Variants in GPATCH2 observed in about 807,000 individuals in gnomAD.
The protein encoded by GPATCH2 is G patch domain-containing protein 2.
Under a neutral mutation model 58.0 loss-of-function variants are expected in GPATCH2, and 51 were observed. The ratio of observed to expected loss-of-function variants is 0.88; its 90% CI spans 0.70 to 1.11. The LOEUF (loss-of-function observed/expected upper bound fraction) is 1.11, where lower values mean the gene tolerates loss of function less well. Among genes scored for constraint, GPATCH2 ranks in the 50% most tolerant of loss-of-function variants. GPATCH2 has a pLI of 0.00. For missense variants in GPATCH2, 625 were observed against 652.2 expected (o/e 0.96, Z 0.45); for synonymous variants, 222 against 218.5 (o/e 1.02, Z -0.14).
chr1:217,449,239 T>G lies in GPATCH2; in HGVS notation c.1366+10A>C. ...ATTTGTGCTCCACTCTAACCCTGCT[T>G]TTGTTTTACCTGCAGTAGTAGGTCC... On this transcript the variant is annotated intron_variant, in intron 9 of 9. Coordinates refer to ENST00000366935, the MANE Select transcript of GPATCH2 (RefSeq NM_018040.5). The G allele has an allele frequency of 1.3e-6, 2 of 1,486,856 alleles. No homozygotes were observed. Among genetic ancestry groups the G allele is most frequent in the African/African-American group, 1.4e-5 (1 of 72,654 alleles). The allele number at this position is 1,486,856 out of a possible 1,614,324, so 92.1% of individuals were successfully genotyped here.
At chr1:217,625,269 C>T (rs1054209365) in intron 1 of GPATCH2, among the ~76,000 whole-genome samples, 1 of 152,076 alleles carries the variant, frequency 6.6e-6, no homozygotes, top group Non-Finnish European at 1.5e-5. Context: ...AAGAATAAGA[C>T]CAATCAATGT....
At chr1:217,488,991 T>C (rs1661588471) in intron 8 of GPATCH2, among the ~76,000 whole-genome samples, 1 of 152,030 alleles carries the variant, frequency 6.6e-6, no homozygotes. Flanking sequence ...ACCATAAATA[T>C]TTCCTGTGAT....
chr1:217,574,342 A>C (rs2102726094), intron 5 of GPATCH2, among the ~76,000 whole-genome samples: 1 of 152,314 alleles, frequency 6.6e-6, no homozygotes, highest in South Asian at 2.1e-4. Context: ...GATTGAAACC[A>C]ATAAACTCAA....
At chr1:217,470,949 A>G (rs1452183972) in intron 8 of GPATCH2, among the ~76,000 whole-genome samples, 3 of 152,176 alleles carry the variant, frequency 2.0e-5, no homozygotes, top group African/African-American at 7.2e-5. Flanking sequence ...AAAAAAAACT[A>G]AGATATTTTT....
At position 217,537,022 on chromosome 1, in the gene GPATCH2, GA is replaced by G. The variant is rs560112507; in HGVS notation, c.1099-22134del. On this transcript the variant is annotated intron_variant, in intron 5 of 9. Coordinates refer to ENST00000366935, the MANE Select transcript of GPATCH2 (RefSeq NM_018040.5). ...CCAAACAAACAGACATATGAGCTTT[GA>G]TAAGTCACTTTAAGTCATTGGACCT... Among the ~76,000 whole-genome samples, 1,277 of 152,164 alleles carry G rather than the reference GA, an allele frequency of 8.4e-3. 8 individuals are homozygous for G. The highest frequency in any genetic ancestry group is 0.041 in the Middle Eastern group (12 of 294).
At chr1:217,573,101 A>G (rs1666645130) in intron 5 of GPATCH2, among the ~76,000 whole-genome samples, 1 of 152,244 alleles carries the variant, frequency 6.6e-6, no homozygotes, top group South Asian at 2.1e-4. Flanking sequence ...CACTTTTTAA[A>G]GTCAAATACC....
intron 5 of GPATCH2, among the ~76,000 whole-genome samples, chr1:217,524,124 C>T (rs574341124): frequency 3.0e-4 from 46 of 151,086 alleles, no homozygotes; most frequent in Admixed American, 2.8e-3. Context: ...CGGGCAGAGA[C>T]GCTCCTCACT....
chr1:217,452,735 C>T (rs1025859974), intron 8 of GPATCH2, among the ~76,000 whole-genome samples: 2 of 151,972 alleles, frequency 1.3e-5, no homozygotes, highest in African/African-American at 4.8e-5. Flanking sequence ...TGAAATATAA[C>T]ATTTTCATTC....
In GPATCH2 at chr1:217,619,921, C is replaced by CT. The variant is rs945102298; in HGVS notation, c.634dup (p.Arg212LysfsTer15). 1 of 1,613,748 alleles carries CT rather than the reference C, an allele frequency of 6.2e-7. No homozygotes were observed. The highest frequency in any genetic ancestry group is 1.1e-5 in the South Asian group (1 of 91,060). On this transcript the variant is annotated frameshift_variant, in exon 2 of 10. Coordinates refer to ENST00000366935, the MANE Select transcript of GPATCH2 (RefSeq NM_018040.5). LOFTEE classifies it high-confidence loss of function. ...TCCTTGTCTGATTATTTTCAACTTTCTTTTTTTGACTTTGTTCTTGGTAAA... is the reference window on the plus strand; with the variant it reads ...TCCTTGTCTGATTATTTTCAACTTTCTTTTTTTTGACTTTGTTCTTGGTAAA...
At chr1:217,584,062 A>C (rs748302800) in intron 5 of GPATCH2, among the ~76,000 whole-genome samples, 13 of 152,028 alleles carry the variant, frequency 8.6e-5, no homozygotes, top group Non-Finnish European at 1.6e-4. Context: ...GAAATATAAG[A>C]TGAAAGGTGA....
intron 8 of GPATCH2, among the ~76,000 whole-genome samples, chr1:217,452,778 TAAAGAA>T (rs950142691): frequency 6.6e-6 from 1 of 151,510 alleles, no homozygotes; most frequent in Non-Finnish European, 1.5e-5. Context: ...CATAGCTACA[TAAAGAA>T]AAAGAGAAAA....
At chr1:217,488,178 T>G (rs1415362524) in intron 8 of GPATCH2, among the ~76,000 whole-genome samples, 2 of 152,208 alleles carry the variant, frequency 1.3e-5, no homozygotes, top group African/African-American at 2.4e-5. Context: ...AAGTGATTAA[T>G]TTTGTAAGTG....
chr1:217,518,544 A>C (rs550618026), intron 5 of GPATCH2, among the ~76,000 whole-genome samples: 1 of 152,194 alleles, frequency 6.6e-6, no homozygotes, highest in Non-Finnish European at 1.5e-5. Flanking sequence ...ATGCCATACT[A>C]TTCTTCCACA....
intron 8 of GPATCH2, among the ~76,000 whole-genome samples, chr1:217,479,291 G>A (rs1418434674): frequency 6.6e-6 from 1 of 152,062 alleles, no homozygotes; most frequent in Non-Finnish European, 1.5e-5. Flanking sequence ...ACTAAATGAT[G>A]AATGAATAAA....
chr1:217,572,565 T>A (rs1441324015), intron 5 of GPATCH2, among the ~76,000 whole-genome samples: 1 of 152,124 alleles, frequency 6.6e-6, no homozygotes, highest in East Asian at 1.9e-4. Context: ...ACAACCCCAA[T>A]GAGAAAACAG....
chr1:217,441,441 CAA>C (rs1166843202), intron 9 of GPATCH2, among the ~76,000 whole-genome samples: 1 of 152,070 alleles, frequency 6.6e-6, no homozygotes, highest in African/African-American at 2.4e-5. Flanking sequence ...AAGGCATGGG[CAA>C]AGACTTCATG....
In GPATCH2 at chr1:217,552,457, G is replaced by T. The variant is rs556303433; in HGVS notation, c.1099-37568C>A. Among the ~76,000 whole-genome samples, 12 of 152,248 alleles carry T rather than the reference G, an allele frequency of 7.9e-5. No homozygotes were observed. The South Asian group carries it at 1.2e-3, about 16-fold the overall frequency. ...GTTTACCTGTTCCAGAAGCAGTAAA[G>T]GTAGTAGTAAAAGTAGCCACAGGAG... On this transcript the variant is annotated intron_variant, in intron 5 of 9. Transcript: ENST00000366935.
At chr1:217,577,386 G>A (rs1220529011) in intron 5 of GPATCH2, among the ~76,000 whole-genome samples, 4 of 152,138 alleles carry the variant, frequency 2.6e-5, no homozygotes, top group African/African-American at 9.7e-5. Context: ...TGTGGCCTCT[G>A]CCACTTTCTA....
intron 8 of GPATCH2, among the ~76,000 whole-genome samples, chr1:217,451,200 G>A (rs2102471876): frequency 6.6e-6 from 1 of 152,236 alleles, no homozygotes; most frequent in South Asian, 2.1e-4. Context: ...TCCTAAATAT[G>A]CTGCATCAAA....
Sources: allele counts gnomAD v4.1 joint callset (sites outside exome capture counted in the v4.1 genomes callset), GRCh38; gene constraint gnomAD v4.1.1; transcripts MANE v1.5; gene names NCBI Gene and HGNC (gene_info 2026-07-23, HGNC 2026-07-21).